Variants in GGA3 observed in about 807,000 individuals in gnomAD.
GGA3 encodes ADP-ribosylation factor-binding protein GGA3.
Under a neutral mutation model 77.5 loss-of-function variants are expected in GGA3, and 57 were observed. The observed-to-expected ratio is 0.74, with a 90% confidence interval of 0.59 to 0.92. GGA3 has a LOEUF of 0.92. Ranked by LOEUF, GGA3 falls within the 40% of genes least tolerant of loss-of-function variation. The pLI is 0.00. For synonymous variants in GGA3, 416 were observed against 383.7 expected (o/e 1.08, Z -0.98); for missense variants, 970 against 914.9 (o/e 1.06, Z -0.78).
intron 1 of GGA3, among the ~76,000 whole-genome samples, chr17:75,256,646 C>T (rs1368641429): frequency 6.6e-6 from 1 of 152,152 alleles, no homozygotes; most frequent in Non-Finnish European, 1.5e-5. Context: ...ACCTCATTTC[C>T]TTTCCATTGT....
chr17:75,243,189 G>T, intron 5 of GGA3, 23 bp from the exon 6 acceptor site: 2 of 1,530,406 alleles, frequency 1.3e-6, no homozygotes, highest in Non-Finnish European at 9.0e-7. Flanking sequence ...ATGGCAGCAC[G>T]TGCACTCAGG....
chr17:75,250,463 A>G (rs1417543999), intron 1 of GGA3, among the ~76,000 whole-genome samples: 2 of 152,092 alleles, frequency 1.3e-5, no homozygotes, highest in African/African-American at 4.8e-5. Flanking sequence ...TTCCAGAGAA[A>G]ACAAGATCTA....
At chr17:75,250,199 G>A (rs147693481) in intron 1 of GGA3, among the ~76,000 whole-genome samples, 127 of 152,312 alleles carry the variant, frequency 8.3e-4, no homozygotes, top group African/African-American at 3.0e-3. Flanking sequence ...TCCTTCACCT[G>A]GCATAGAGGT....
chr17:75,244,597 G>A (rs779848719), intron 4 of GGA3, 22 bp downstream of exon 4: 33 of 1,484,884 alleles, frequency 2.2e-5, no homozygotes, highest in Non-Finnish European at 2.9e-5. Flanking sequence ...CCCTAAAAGC[G>A]AGGAATCTGC....
upstream of GGA3, chr17:75,262,111 T>C: frequency 8.9e-7 from 1 of 1,128,904 alleles, no homozygotes; most frequent in Non-Finnish European, 1.3e-6. Flanking sequence ...GCTTCTAAGT[T>C]AGCTGCGTGA....
Position 75,237,956 on chromosome 17 carries a change from G to T in GGA3, c.*323C>A, listed in dbSNP as rs1305798084. 1.7e-6 allele frequency: 2 copies of T among 1,184,018 alleles called. No individual in the cohort carries two copies. Among genetic ancestry groups the T allele is most frequent in the African/African-American group, 1.7e-5 (1 of 58,162 alleles). 73.3% of individuals were successfully genotyped at this position (1,184,018 alleles called of 1,614,324 possible). A position where few individuals can be genotyped will look rare whatever the true frequency, so the allele number is the denominator to read the frequency against. On this transcript the variant is annotated 3_prime_UTR_variant, in exon 17 of 17. Coordinates refer to ENST00000537686, the MANE Select transcript of GGA3 (RefSeq NM_138619.4). ...CCCCACCCCAGTGGCTTCAGTGAATGCCAGTAGAAGGAAGCAAACACCTAC... is the reference window on the plus strand; with the variant it reads ...CCCCACCCCAGTGGCTTCAGTGAATTCCAGTAGAAGGAAGCAAACACCTAC...
intron 1 of GGA3, chr17:75,248,725 G>T: frequency 2.8e-6 from 1 of 359,674 alleles, no homozygotes; most frequent in Non-Finnish European, 3.9e-6. Context: ...GGCAGAGGTT[G>T]CCTTGAGCCG....
chr17:75,261,481 A>G (rs2077374678), intron 1 of GGA3, 67 bp downstream of exon 1: 1 of 1,258,500 alleles, frequency 7.9e-7, no homozygotes. Flanking sequence ...CGGGGAGGGG[A>G]CGTGGGGGTG....
At chr17:75,245,497 C>G (rs1027352995) in intron 3 of GGA3, among the ~76,000 whole-genome samples, 1 of 152,166 alleles carries the variant, frequency 6.6e-6, no homozygotes, top group African/African-American at 2.4e-5. Context: ...CCTGGAGGGC[C>G]CTGTTGAGAA....
Position 75,237,525 on chromosome 17 carries a change from A to AC in GGA3, c.*753dup. 6.5e-7 allele frequency: 1 copy of AC among 1,535,712 alleles called. No individual in the cohort carries two copies. Among genetic ancestry groups the AC allele is most frequent in the Non-Finnish European group, 8.7e-7 (1 of 1,146,538 alleles). ...GCACGCTTTTCCCAGAAAGCTGAGT[A>AC]CCTGCTTCTGGAGAAGGGGAAATAC... On this transcript the variant is annotated 3_prime_UTR_variant, in exon 17 of 17. Transcript: ENST00000537686.
intron 1 of GGA3, among the ~76,000 whole-genome samples, chr17:75,253,114 T>C (rs1011011790): frequency 1.3e-5 from 2 of 152,152 alleles, no homozygotes; most frequent in Non-Finnish European, 2.9e-5. Context: ...TGTCCTCCTG[T>C]TCTTTGCTCC....
In GGA3 at chr17:75,238,704, A is replaced by C; in HGVS notation, c.2009T>G (p.Ile670Ser). The change falls in exon 16 of 17, where the codon ATC becomes AGC. Residue 670 changes from isoleucine to serine, a missense_variant. Ile to Ser is a moderately radical substitution (Grantham distance 142, BLOSUM62 -2). Coordinates refer to ENST00000537686, the MANE Select transcript of GGA3 (RefSeq NM_138619.4). The part of the protein sequence containing the change: ...SGTELSPFSP[I>S]QPPAAITQVM... ...CTGGGTGATGGCTGCAGGTGGCTGGATGGGGCTAAATGGAGAGAGTTCTGT... is the reference window on the plus strand; with the variant it reads ...CTGGGTGATGGCTGCAGGTGGCTGGCTGGGGCTAAATGGAGAGAGTTCTGT... The C allele has an allele frequency of 6.2e-7, 1 of 1,614,042 alleles. No individual in the cohort carries two copies. Among genetic ancestry groups the C allele is most frequent in the Non-Finnish European group, 8.5e-7 (1 of 1,179,954 alleles).
At chr17:75,260,782 C>T (rs1055425022) in intron 1 of GGA3, among the ~76,000 whole-genome samples, 3 of 152,168 alleles carry the variant, frequency 2.0e-5, no homozygotes, top group Admixed American at 6.5e-5. Context: ...CACACATTTC[C>T]TTCGTAGCAC....
intron 1 of GGA3, among the ~76,000 whole-genome samples, chr17:75,253,214 C>A (rs1164931165): frequency 1.3e-5 from 2 of 152,212 alleles, no homozygotes; most frequent in Non-Finnish European, 2.9e-5. Context: ...GCGGCCTCTT[C>A]TTACTCTCTT....
At position 75,239,079 on chromosome 17, in the gene GGA3, A is replaced by T; in HGVS notation, c.1785T>A (p.Ser595Arg). The change falls in exon 15 of 17, where the codon AGT becomes AGA. Residue 595 changes from serine to arginine, a missense_variant. Physicochemically the swap from Ser to Arg is moderately radical, Grantham distance 110. Transcript: ENST00000537686. ...HVPLESIKPS[S>R]ALPVTAYDKN... is the part of the protein sequence containing the mutation. Reference sequence around the variant, plus strand: ...TATCGTAGGCTGTCACAGGAAGGGCACTGCCTGTAAGAACGTGACGTGAGT... The same window carrying T: ...TATCGTAGGCTGTCACAGGAAGGGCTCTGCCTGTAAGAACGTGACGTGAGT... The T allele has an allele frequency of 6.2e-7, 1 of 1,612,530 alleles. No homozygotes were observed. Among genetic ancestry groups the T allele is most frequent in the Non-Finnish European group, 8.5e-7 (1 of 1,179,620 alleles).
Position 75,241,009 on chromosome 17 carries a change from A to G in GGA3, c.995T>C (p.Leu332Pro). The G allele has an allele frequency of 1.2e-6, 2 of 1,614,106 alleles. No homozygotes were observed. The highest frequency in any genetic ancestry group is 2.2e-5 in the South Asian group (2 of 91,084). ...NQGTLIDLAE[L>P]DTTNSLSSVL... ...GGAGGACAAACTGTTGGTCGTGTCC[A>G]GCTCCGCAAGGTCGATGAGCGTGCC... The change falls in exon 11 of 17, where the codon CTG becomes CCG. Residue 332 changes from leucine to proline, a missense_variant. Coordinates refer to ENST00000537686, the MANE Select transcript of GGA3 (RefSeq NM_138619.4).
At position 75,257,803 on chromosome 17, in the gene GGA3, C is replaced by A. The variant is rs183799703; in HGVS notation, c.40+3745G>T. ...CCCACAAAAATTTTCGCTGCCCCAA[C>A]ACTTCAACACTATTTTGTTTTATTT... On this transcript the variant is annotated intron_variant, in intron 1 of 16. Coordinates refer to ENST00000537686, the MANE Select transcript of GGA3 (RefSeq NM_138619.4). Among the ~76,000 whole-genome samples, 580 of 152,266 alleles carry A rather than the reference C, an allele frequency of 3.8e-3. 2 individuals carry two copies. Among genetic ancestry groups the A allele is most frequent in the African/African-American group, 0.013 (549 of 41,534 alleles).
At chr17:75,240,788 C>A in intron 11 of GGA3, 24 bp downstream of exon 11, 1 of 1,590,802 alleles carries the variant, frequency 6.3e-7, no homozygotes, top group Non-Finnish European at 8.5e-7. Flanking sequence ...AGGGGATGCC[C>A]CTGACGCCCC....
At position 75,239,486 on chromosome 17, in the gene GGA3, GC is replaced by G; in HGVS notation, c.1668del (p.Gly558AlafsTer8). The G allele has an allele frequency of 6.3e-7, 1 of 1,578,496 alleles. No homozygotes were observed. The highest frequency in any genetic ancestry group is 2.3e-5 in the East Asian group (1 of 44,394). On this transcript the variant is annotated frameshift_variant, in exon 14 of 17. Coordinates refer to ENST00000537686, the MANE Select transcript of GGA3 (RefSeq NM_138619.4). LOFTEE classifies it high-confidence loss of function. ...AGTGGCTGGAAGAGCGGGCTGCCGGGCCCCGTGGAGAAGGGCAGGAGGGGCC... is the reference window on the plus strand; with the variant it reads ...AGTGGCTGGAAGAGCGGGCTGCCGGGCCCGTGGAGAAGGGCAGGAGGGGCC... ...PARPLLPFST[G>X]PGSPLFQPLS...
Sources: gnomAD v4.1 joint callset for allele counts (sites outside exome capture counted in the v4.1 genomes callset) on GRCh38, gnomAD v4.1.1 for gene constraint, MANE v1.5 for transcripts, NCBI Gene and HGNC (gene_info 2026-07-23, HGNC 2026-07-21) for gene names.